The following INTS7 variants were observed in gnomAD, a reference collection of about 807,000 sequenced individuals.
The protein encoded by INTS7 is integrator complex subunit 7, also known as chromosome 1 open reading frame 73.
In INTS7, 46 loss-of-function variants were observed where a neutral mutation model predicts 109.2. The ratio of observed to expected loss-of-function variants is 0.42; its 90% confidence interval spans 0.33 to 0.54. INTS7 has a LOEUF of 0.54. Ranked by LOEUF, INTS7 falls within the 20% of genes least tolerant of loss-of-function variation. The probability of loss-of-function intolerance (pLI) is 0.07; values close to 1 mark genes in which losing one functional copy is unlikely to be tolerated. For synonymous variants in INTS7, 412 were observed against 402.9 expected, an observed-to-expected ratio of 1.02 and a Z score of -0.27; for missense variants, 929 against 1,132.4, an observed-to-expected ratio of 0.82 and a Z score of 2.58.
intron 2 of INTS7, chr1:212,020,738 C>G: frequency 9.8e-7 from 1 of 1,018,178 alleles, no homozygotes; most frequent in Non-Finnish European, 1.2e-6. Context: ...AGGTACTTCA[C>G]AGACATGCAT....
chr1:212,002,920 G>T (rs1035537491), intron 7 of INTS7, among the ~76,000 whole-genome samples: 1 of 152,124 alleles, frequency 6.6e-6, no homozygotes, highest in African/African-American at 2.4e-5. Flanking sequence ...CAAGGAAAAA[G>T]GGTATAGAAA....
intron 13 of INTS7, among the ~76,000 whole-genome samples, chr1:211,974,272 AAAAAAT>A (rs1196872170): frequency 1.1e-3 from 67 of 62,324 alleles, no homozygotes; most frequent in Middle Eastern, 9.1e-3. Context: ...TCCCAGAAAA[AAAAAAT>A]ATATATATAT....
intron 10 of INTS7, among the ~76,000 whole-genome samples, chr1:211,979,975 A>G (rs541683832): frequency 2.0e-5 from 3 of 152,214 alleles, no homozygotes; most frequent in Non-Finnish European, 4.4e-5. Flanking sequence ...TCAGTAGCCT[A>G]TTCTAGATGG....
chr1:212,033,690 C>A (rs1667271897), intron 1 of INTS7, among the ~76,000 whole-genome samples: 1 of 152,140 alleles, frequency 6.6e-6, no homozygotes, highest in African/African-American at 2.4e-5. Context: ...TAGAAAATGT[C>A]CTTAGAACTC....
chr1:211,983,605 T>C (rs1314761189), intron 8 of INTS7, among the ~76,000 whole-genome samples: 3 of 152,158 alleles, frequency 2.0e-5, no homozygotes, highest in Admixed American at 6.6e-5. Flanking sequence ...TAAAAGAGTC[T>C]CCCATTCCTG....
chr1:211,987,530 C>T (rs1664945117), intron 8 of INTS7, among the ~76,000 whole-genome samples: 1 of 152,040 alleles, frequency 6.6e-6, no homozygotes, highest in African/African-American at 2.4e-5. Context: ...GCTTTTAAAA[C>T]TCACTACTAC....
At chr1:211,983,643 T>C (rs1664760990) in intron 8 of INTS7, among the ~76,000 whole-genome samples, 1 of 152,188 alleles carries the variant, frequency 6.6e-6, no homozygotes, top group East Asian at 1.9e-4. Flanking sequence ...TATTTTTCCA[T>C]GATTCTCGTC....
intron 13 of INTS7, among the ~76,000 whole-genome samples, chr1:211,972,069 CTTTT>C (rs948348484): frequency 2.0e-5 from 3 of 151,944 alleles, no homozygotes; most frequent in African/African-American, 7.2e-5. Flanking sequence ...AAGAATTTTA[CTTTT>C]TTTCTCTTTA....
Position 211,941,404 on chromosome 1 carries a change from C to T in INTS7, c.*420G>A, listed in dbSNP as rs146274366. ...TTTTTGAGACGGAGTCTCGCTCTGT[C>T]GCCCAGGCTGGAGCACAGTCTCGGC... On this transcript the variant is annotated 3_prime_UTR_variant, in exon 20 of 20. Coordinates refer to ENST00000366994, the MANE Select transcript of INTS7 (RefSeq NM_015434.4). 1,706 of 156,266 alleles carry T rather than the reference C, an allele frequency of 0.011. 29 individuals carry two copies. The highest frequency in any genetic ancestry group is 0.038 in the African/African-American group (1,566 of 41,680). 9.7% of individuals were successfully genotyped at this position (156,266 alleles called of 1,614,324 possible). A position where few individuals can be genotyped will look rare whatever the true frequency, so the allele number is the denominator to read the frequency against.
chr1:212,010,694 T>C (rs766159858), intron 5 of INTS7, among the ~76,000 whole-genome samples: 3 of 152,170 alleles, frequency 2.0e-5, no homozygotes. Context: ...CTTTTCTACC[T>C]CAGATATACA....
intron 7 of INTS7, among the ~76,000 whole-genome samples, chr1:212,004,668 T>C (rs982431919): frequency 6.6e-6 from 1 of 152,216 alleles, no homozygotes; most frequent in Non-Finnish European, 1.5e-5. Context: ...CTGAAATTTA[T>C]ATAGAATTGT....
At chr1:212,021,749 G>A (rs1666718868) in intron 1 of INTS7, among the ~76,000 whole-genome samples, 1 of 151,846 alleles carries the variant, frequency 6.6e-6, no homozygotes, top group African/African-American at 2.4e-5. Flanking sequence ...TGAGGAGGCT[G>A]AGGTGGACGA....
At chr1:211,982,290 A>G (rs1479054423) in intron 9 of INTS7, among the ~76,000 whole-genome samples, 1 of 152,132 alleles carries the variant, frequency 6.6e-6, no homozygotes, top group Non-Finnish European at 1.5e-5. Flanking sequence ...AGGTGAAACT[A>G]TTTGTTATTT....
intron 1 of INTS7, among the ~76,000 whole-genome samples, chr1:212,021,542 T>C (rs1223139739): frequency 6.7e-6 from 1 of 149,414 alleles, no homozygotes; most frequent in African/African-American, 2.5e-5. Context: ...AAATTAGAAA[T>C]AAGAAAAAAA....
chr1:211,991,471 C>A (rs1296951983), intron 7 of INTS7, among the ~76,000 whole-genome samples: 4 of 152,182 alleles, frequency 2.6e-5, no homozygotes, highest in Non-Finnish European at 4.4e-5. Flanking sequence ...TGCCACTGGG[C>A]AAAGGAGCTA....
chr1:211,981,971 G>A (rs1664688460), intron 9 of INTS7, among the ~76,000 whole-genome samples: 2 of 152,148 alleles, frequency 1.3e-5, no homozygotes, highest in African/African-American at 2.4e-5. Flanking sequence ...AAAGGCTAGT[G>A]AAGGTCAGGT....
At position 211,953,880 on chromosome 1, in the gene INTS7, T is replaced by C. The variant is rs1043962631; in HGVS notation, c.2184-1179A>G. Among the ~76,000 whole-genome samples the C allele has an allele frequency of 2.0e-5, 3 of 152,154 alleles. No individual in the cohort carries two copies. In the East Asian group the frequency reaches 5.8e-4, roughly 29 times the overall value. On this transcript the variant is annotated intron_variant, in intron 16 of 19. Transcript: ENST00000366994. ...AAACATACATGTGCATGTGTCTTTA[T>C]AGCAGCATGATTTATAATCCTTAGG...
chr1:211,998,743 TGA>T (rs1402673434), intron 7 of INTS7, among the ~76,000 whole-genome samples: 2 of 151,388 alleles, frequency 1.3e-5, no homozygotes, highest in African/African-American at 4.8e-5. Flanking sequence ...AGATACATAT[TGA>T]GAGGGAATAT....
chr1:212,026,708 T>C (rs1666938294), intron 1 of INTS7, among the ~76,000 whole-genome samples: 1 of 152,194 alleles, frequency 6.6e-6, no homozygotes, highest in South Asian at 2.1e-4. Flanking sequence ...GCAAAGGGGT[T>C]GAAAAAATCC....
Sources: allele counts gnomAD v4.1 joint callset (sites outside exome capture counted in the v4.1 genomes callset), GRCh38; gene constraint gnomAD v4.1.1; transcripts MANE v1.5; gene names NCBI Gene and HGNC (gene_info 2026-07-23, HGNC 2026-07-21).